Variants in SEC24A observed in about 807,000 individuals in gnomAD.
The protein encoded by SEC24A is SEC24 homolog A, COPII component.
Under a neutral mutation model 129.4 loss-of-function variants are expected in SEC24A, and 93 were observed. The observed-to-expected ratio is 0.72, with a 90% CI of 0.61 to 0.85. The LOEUF (loss-of-function observed/expected upper bound fraction) is 0.85. SEC24A is among the 40% of genes least tolerant of loss of function. The pLI is 0.00. For missense variants in SEC24A, 1,264 were observed against 1,307.4 expected, an observed-to-expected ratio of 0.97 and a Z score of 0.51; for synonymous variants, 460 against 467.3, an observed-to-expected ratio of 0.98 and a Z score of 0.20.
At position 134,708,707 on chromosome 5, in the gene SEC24A, G is replaced by T; in HGVS notation, c.2552-6G>T. 1 of 1,608,874 alleles carries T rather than the reference G, an allele frequency of 6.2e-7. No individual in the cohort carries two copies. The highest frequency in any genetic ancestry group is 8.5e-7 in the Non-Finnish European group (1 of 1,178,318). On this transcript the variant is annotated splice_region_variant and splice_polypyrimidine_tract_variant and intron_variant, in intron 17 of 22. Coordinates refer to ENST00000398844, the MANE Select transcript of SEC24A (RefSeq NM_021982.3). ...TCTTTTTTGTCCTTACCCTCACCTT[G>T]CTTAGCTGTTGACAGATCTATGACT...
intron 17 of SEC24A, among the ~76,000 whole-genome samples, chr5:134,707,522 G>A (rs1273053529): frequency 6.6e-6 from 1 of 151,756 alleles, no homozygotes. Flanking sequence ...GTAGAGACGG[G>A]GTTTCACCAT....
rs541870468 is a variant in SEC24A, at chr5:134,695,554, A to C, written c.1987-1572A>C. ...GTAATTCCAGCACTTTGGGAGGCCA[A>C]GGTGGGTGGATCACGAGTTCAGGTG... On this transcript the variant is annotated intron_variant, in intron 13 of 22. Transcript: ENST00000398844. 3.9e-5 allele frequency among the ~76,000 whole-genome samples: 6 copies of C among 152,290 alleles called. No homozygotes were observed. In the East Asian group the frequency reaches 1.2e-3, roughly 29 times the overall value.
Position 134,697,942 on chromosome 5 carries a change from C to G in SEC24A, c.2151C>G (p.Pro717=), listed in dbSNP as rs1187117594. 3 of 1,613,784 alleles carry G rather than the reference C, an allele frequency of 1.9e-6. No homozygotes were observed. The highest frequency in any genetic ancestry group is 2.5e-6 in the Non-Finnish European group (3 of 1,179,864). The part of the protein sequence containing the change: ...RYSAGSVYYY[P]SYHHQHNPVQ... ...CAGCAGGTAGTGTCTATTACTATCC[C>G]TCTTACCATCATCAGCACAACCCAG... Residue 717 remains proline (P), a synonymous_variant, in exon 15 of 23, where the codon CCC becomes CCG. Coordinates refer to ENST00000398844, the MANE Select transcript of SEC24A (RefSeq NM_021982.3).
chr5:134,658,226 G>A (rs113968903), intron 1 of SEC24A, among the ~76,000 whole-genome samples: 4,093 of 152,100 alleles, frequency 0.027, 81 homozygotes, highest in African/African-American at 0.064. Context: ...AGCCGAGATC[G>A]CACCACTGCA....
intron 18 of SEC24A, among the ~76,000 whole-genome samples, chr5:134,710,191 A>G (rs780300313): frequency 6.7e-6 from 1 of 149,148 alleles, no homozygotes; most frequent in Non-Finnish European, 1.5e-5. Flanking sequence ...GAGCTACCAC[A>G]TTACACTTCT....
intron 17 of SEC24A, among the ~76,000 whole-genome samples, chr5:134,706,848 A>C (rs1752173732): frequency 1.3e-5 from 2 of 151,884 alleles, no homozygotes; most frequent in South Asian, 4.1e-4. Context: ...ACGACACCAC[A>C]CCCAGCTAAT....
At chr5:134,712,762 G>A (rs1752365088) in intron 18 of SEC24A, among the ~76,000 whole-genome samples, 1 of 151,532 alleles carries the variant, frequency 6.6e-6, no homozygotes, top group South Asian at 2.1e-4. Context: ...GGGATTACAG[G>A]TGTGTGCCAC....
chr5:134,653,070 G>T (rs1461760350), intron 1 of SEC24A, among the ~76,000 whole-genome samples: 1 of 151,628 alleles, frequency 6.6e-6, no homozygotes, highest in African/African-American at 2.4e-5. Flanking sequence ...CTCCCAAAGT[G>T]CTGGGATTAC....
intron 18 of SEC24A, among the ~76,000 whole-genome samples, chr5:134,713,249 C>T (rs898374750): frequency 6.6e-6 from 1 of 152,036 alleles, no homozygotes; most frequent in Non-Finnish European, 1.5e-5. Flanking sequence ...TAAATTTTGA[C>T]GTTTAAAAAT....
chr5:134,673,331 G>T (rs566626255), intron 4 of SEC24A, among the ~76,000 whole-genome samples: 2 of 152,200 alleles, frequency 1.3e-5, no homozygotes, highest in East Asian at 3.9e-4. Context: ...TGGGATTACA[G>T]GTATGAGCCA....
chr5:134,703,405 T>A (rs1296714138), intron 15 of SEC24A, among the ~76,000 whole-genome samples: 1 of 151,952 alleles, frequency 6.6e-6, no homozygotes, highest in Non-Finnish European at 1.5e-5. Flanking sequence ...GTAGCTGGGA[T>A]TGCAGGCGCC....
At chr5:134,721,366 C>G (rs1017733729) in intron 21 of SEC24A, among the ~76,000 whole-genome samples, 1 of 151,556 alleles carries the variant, frequency 6.6e-6, no homozygotes, top group African/African-American at 2.4e-5. Context: ...AGATCGAGAC[C>G]ATCCTGGCCA....
At chr5:134,689,029 GAC>G (rs1313226730) in intron 11 of SEC24A, among the ~76,000 whole-genome samples, 1 of 152,172 alleles carries the variant, frequency 6.6e-6, no homozygotes, top group East Asian at 1.9e-4. Context: ...TGGGAGAAGA[GAC>G]AGTTTTTTCA....
intron 18 of SEC24A, among the ~76,000 whole-genome samples, chr5:134,712,888 G>C (rs1752369796): frequency 1.3e-5 from 2 of 148,650 alleles, no homozygotes; most frequent in Admixed American, 1.3e-4. Flanking sequence ...AAATTGTTGG[G>C]ATTACAGCCA....
At chr5:134,718,454 T>C (rs1561834502) in intron 20 of SEC24A, among the ~76,000 whole-genome samples, 1 of 152,120 alleles carries the variant, frequency 6.6e-6, no homozygotes, top group Non-Finnish European at 1.5e-5. Context: ...TTTTAAAAAG[T>C]TAACCTTAGG....
chr5:134,692,698 T>C, intron 12 of SEC24A, 41 bp downstream of exon 12: 1 of 1,108,994 alleles, frequency 9.0e-7, no homozygotes, highest in Non-Finnish European at 1.4e-6. Context: ...AATTGAAATA[T>C]TGAAGGAATA....
chr5:134,660,701 G>A (rs892525327), intron 1 of SEC24A, among the ~76,000 whole-genome samples: 2 of 151,504 alleles, frequency 1.3e-5, no homozygotes, highest in Admixed American at 1.3e-4. Flanking sequence ...GACTACAGGC[G>A]CATACCATCA....
chr5:134,711,563 C>CT (rs11306983), intron 18 of SEC24A, among the ~76,000 whole-genome samples: 138 of 125,372 alleles, frequency 1.1e-3, no homozygotes, highest in African/African-American at 3.7e-3. Flanking sequence ...TGCTCTGCAT[C>CT]TTTTTTTTTT....
At chr5:134,720,903 C>T (rs942002476) in intron 20 of SEC24A, 95 bp from the exon 21 acceptor site, 1 of 640,276 alleles carries the variant, frequency 1.6e-6, no homozygotes, top group African/African-American at 1.9e-5. Context: ...CCCTATCTCA[C>T]AAATATATAT....
Sources: allele counts gnomAD v4.1 joint callset (sites outside exome capture counted in the v4.1 genomes callset), GRCh38; gene constraint gnomAD v4.1.1; transcripts MANE v1.5; gene names NCBI Gene and HGNC (gene_info 2026-07-23, HGNC 2026-07-21).